CCNJ: variants seen among roughly 807,000 people sequenced by gnomAD.
The protein encoded by CCNJ is cyclin J, also known as cyclin-J.
In CCNJ, 12 loss-of-function variants were observed where a neutral mutation model predicts 41.4. The ratio of observed to expected loss-of-function variants is 0.29; its 90% CI spans 0.19 to 0.47. The LOEUF is 0.47. Among genes scored for constraint, CCNJ ranks in the 20% least tolerant of loss-of-function variants. The pLI is 1.00. For synonymous variants in CCNJ, 161 were observed against 173.4 expected, an observed-to-expected ratio of 0.93 and a Z score of 0.56; for missense variants, 340 against 464.6, an observed-to-expected ratio of 0.73 and a Z score of 2.47.
In CCNJ at chr10:96,058,331, G is replaced by T. The variant is rs2080750270; in HGVS notation, c.*90G>T. ...GTAAACTTCTGTTCAAAAGGAAAGGGATCTAAATGACATCAGAACTCTTCA... is the reference window on the plus strand; with the variant it reads ...GTAAACTTCTGTTCAAAAGGAAAGGTATCTAAATGACATCAGAACTCTTCA... On this transcript the variant is annotated 3_prime_UTR_variant, in exon 6 of 6. Coordinates refer to ENST00000465148, the MANE Select transcript of CCNJ (RefSeq NM_001134375.2). 5.5e-6 allele frequency: 6 copies of T among 1,092,622 alleles called. No homozygotes were observed. Among genetic ancestry groups the T allele is most frequent in the Non-Finnish European group, 8.0e-6 (6 of 749,368 alleles). 67.7% of individuals were successfully genotyped at this position (1,092,622 alleles called of 1,614,324 possible). A position where few individuals can be genotyped will look rare whatever the true frequency, so the allele number is the denominator to read the frequency against.
chr10:96,054,144 C>G (rs2080611522), intron 3 of CCNJ, among the ~76,000 whole-genome samples: 1 of 152,126 alleles, frequency 6.6e-6, no homozygotes. Context: ...GTTTCTGTGG[C>G]CTCTAATTCT....
At chr10:96,055,238 A>T (rs2080649011) in intron 3 of CCNJ, among the ~76,000 whole-genome samples, 1 of 152,220 alleles carries the variant, frequency 6.6e-6, no homozygotes, top group Non-Finnish European at 1.5e-5. Flanking sequence ...AGTGGTTTAG[A>T]TCTAAGGAAG....
At chr10:96,050,084 AAATGTCATTCATTATCCCTCCACTT>A (rs2080480920) in intron 2 of CCNJ, among the ~76,000 whole-genome samples, 147 bp from the exon 3 acceptor site, 1 of 152,218 alleles carries the variant, frequency 6.6e-6, no homozygotes, top group Non-Finnish European at 1.5e-5. Context: ...ATTTGGTTTT[AAATGTCATTCATTATCCCTCCACTT>A]AACTTTTTCA....
chr10:96,051,989 A>T (rs1391931247), intron 3 of CCNJ, among the ~76,000 whole-genome samples: 2 of 152,128 alleles, frequency 1.3e-5, no homozygotes, highest in Admixed American at 6.6e-5. Context: ...TCTCATCCCC[A>T]TGTACGTTGA....
At chr10:96,047,520 C>G (rs1331335360) in intron 2 of CCNJ, among the ~76,000 whole-genome samples, 1 of 152,024 alleles carries the variant, frequency 6.6e-6, no homozygotes, top group East Asian at 1.9e-4. Flanking sequence ...CGCTTGTAGT[C>G]CCAGCTACTC....
intron 5 of CCNJ, 25 bp from the exon 6 acceptor site, chr10:96,057,805 A>C: frequency 6.3e-7 from 1 of 1,596,242 alleles, no homozygotes; most frequent in East Asian, 2.2e-5. Flanking sequence ...TATTTTTAAT[A>C]GTTTCCTTTC....
In CCNJ at chr10:96,043,677, C is replaced by A. The variant is rs929455612; in HGVS notation, c.-84C>A. ...GCAGCATGAGCGGGGCCGGCGTCCG[C>A]CGCACGACGGCGGGGCTGGGGCTGT... On this transcript the variant is annotated 5_prime_UTR_variant, in exon 1 of 6. Coordinates refer to ENST00000465148, the MANE Select transcript of CCNJ (RefSeq NM_001134375.2). 27 of 394,176 alleles carry A rather than the reference C, an allele frequency of 6.8e-5. No homozygotes were observed. In the Admixed American group the frequency reaches 1.1e-3, roughly 16 times the overall value. 24.4% of individuals were successfully genotyped at this position (394,176 alleles called of 1,614,324 possible).
chr10:96,050,530 T>C, intron 3 of CCNJ, 64 bp downstream of exon 3: 1 of 1,211,528 alleles, frequency 8.3e-7, no homozygotes, highest in Non-Finnish European at 1.2e-6. Flanking sequence ...AATAAATTTA[T>C]GTAGAACTCA....
Position 96,058,788 on chromosome 10 carries a change from T to G in CCNJ, c.*547T>G. 3.3e-6 allele frequency: 1 copy of G among 301,796 alleles called. No individual in the cohort carries two copies. The highest frequency in any genetic ancestry group is 6.0e-6 in the Non-Finnish European group (1 of 166,324). The allele number at this position is 301,796 out of a possible 1,614,324, so 18.7% of individuals were successfully genotyped here. A position where few individuals can be genotyped will look rare whatever the true frequency, so the allele number is the denominator to read the frequency against. On this transcript the variant is annotated 3_prime_UTR_variant, in exon 6 of 6. Transcript: ENST00000465148. ...TATACCAATCTGCAGTAAAAAAAAT[T>G]TTTTTAGATGATTCTATATAACTTC...
At chr10:96,051,555 G>A (rs546164723) in intron 3 of CCNJ, among the ~76,000 whole-genome samples, 2 of 152,190 alleles carry the variant, frequency 1.3e-5, no homozygotes, top group South Asian at 4.1e-4. Flanking sequence ...AATCTTAAAG[G>A]AGTATGTAGA....
intron 2 of CCNJ, among the ~76,000 whole-genome samples, chr10:96,046,050 G>T (rs1276635536): frequency 6.6e-6 from 1 of 152,032 alleles, no homozygotes; most frequent in Non-Finnish European, 1.5e-5. Context: ...TCTGCATTTT[G>T]TCAATTGAGT....
Position 96,050,610 on chromosome 10 carries a change from C to T in CCNJ, c.280+144C>T, listed in dbSNP as rs1002961444. The T allele has an allele frequency of 1.5e-5, 10 of 658,018 alleles. No homozygotes were observed. The East Asian group carries it at 1.6e-4, about 11-fold the overall frequency. The allele number at this position is 658,018 out of a possible 1,614,324, so 40.8% of individuals were successfully genotyped here. On this transcript the variant is annotated intron_variant, in intron 3 of 5. Coordinates refer to ENST00000465148, the MANE Select transcript of CCNJ (RefSeq NM_001134375.2). ...AGAAGCTTATGTTAAAAGTGCTTCT[C>T]AGTGTAATAATTCTTAACCAGACAT...
At position 96,056,649 on chromosome 10, in the gene CCNJ, A is replaced by G. The variant is rs953471684; in HGVS notation, c.281-52A>G. 1.1e-5 allele frequency: 15 copies of G among 1,364,982 alleles called. No individual in the cohort carries two copies. In the African/African-American group the frequency reaches 1.9e-4, roughly 17 times the overall value. The allele number at this position is 1,364,982 out of a possible 1,614,324, so 84.6% of individuals were successfully genotyped here. On this transcript the variant is annotated intron_variant, in intron 3 of 5. Transcript: ENST00000465148. ...TCCCATTTTACTGACTAGACCAATAATGATCACTTGCCTGACATTTTCTCT... is the reference window on the plus strand; with the variant it reads ...TCCCATTTTACTGACTAGACCAATAGTGATCACTTGCCTGACATTTTCTCT...
At chr10:96,043,455 GGGCCC>G (rs545515794), upstream of CCNJ, 10 of 383,104 alleles carry the variant, frequency 2.6e-5, no homozygotes, top group Non-Finnish European at 4.2e-5. Flanking sequence ...CGCTGCACCT[GGGCCC>G]GGCCCGGCCG....
intron 2 of CCNJ, among the ~76,000 whole-genome samples, chr10:96,046,321 C>T (rs538155356): frequency 3.9e-4 from 59 of 152,276 alleles, no homozygotes; most frequent in Admixed American, 1.0e-3. Context: ...ACTGGCAACA[C>T]TTTATACAAG....
intron 1 of CCNJ, 116 bp from the exon 2 acceptor site, chr10:96,044,235 AAG>A (rs1467274348): frequency 6.5e-6 from 3 of 458,812 alleles, no homozygotes; most frequent in Non-Finnish European, 1.1e-5. Context: ...TGGGTTGAGG[AAG>A]AGTCAAGTGA....
chr10:96,058,142 A>G lies in CCNJ; in HGVS notation c.1053A>G (p.Ala351=), dbSNP rs201686009. 3 of 1,614,196 alleles carry G rather than the reference A, an allele frequency of 1.9e-6. No individual in the cohort carries two copies. Among genetic ancestry groups the G allele is most frequent in the Admixed American group, 3.3e-5 (2 of 60,030 alleles). Residue 351 remains alanine (A), a synonymous_variant, in exon 6 of 6, where the codon GCA becomes GCG. Transcript: ENST00000465148. ...HMQTGVGMSL[A]IPVEVKPCLS... is the part of the protein sequence containing the mutation. The stretch of plus-strand genomic sequence containing the variant: ...AGACTGGTGTTGGGATGTCACTGGC[A>G]ATACCAGTAGAAGTTAAGCCCTGTC...
chr10:96,055,700 T>G (rs1312870269), intron 3 of CCNJ, among the ~76,000 whole-genome samples: 2 of 152,226 alleles, frequency 1.3e-5, no homozygotes, highest in Non-Finnish European at 2.9e-5. Context: ...GAAAAGAAAT[T>G]AATCCCTTTG....
In CCNJ at chr10:96,057,247, T is replaced by C. The variant is rs2080719971; in HGVS notation, c.740T>C (p.Ile247Thr). Residue 247 changes from isoleucine to threonine, a missense_variant and splice_region_variant, in exon 5 of 6, where the codon ATC (isoleucine) becomes ACC (threonine). Transcript: ENST00000465148. ...FLVQCIERLL[I>T]AHDNDVKEAN... ...GTGCAGTGTATTGAACGACTGTTGA[T>C]GTAAGCCTTTTTATTCTTGTGTTTG... The C allele has an allele frequency of 1.9e-6, 3 of 1,612,574 alleles. No homozygotes were observed. The highest frequency in any genetic ancestry group is 4.5e-5 in the East Asian group (2 of 44,876).
Sources: gnomAD v4.1 joint callset for allele counts (sites outside exome capture counted in the v4.1 genomes callset) on GRCh38, gnomAD v4.1.1 for gene constraint, MANE v1.5 for transcripts, NCBI Gene and HGNC (gene_info 2026-07-23, HGNC 2026-07-21) for gene names.